Variants in SLC8A2 observed in about 807,000 individuals in gnomAD.
The protein encoded by SLC8A2 is solute carrier family 8 member A2, also known as sodium/calcium exchanger 2.
A neutral mutation model predicts 70.2 loss-of-function variants in SLC8A2; 14 were observed. That is an observed-to-expected ratio of 0.20 (90% CI 0.13 to 0.31). The LOEUF is 0.31. Ranked by LOEUF, SLC8A2 falls within the 10% of genes least tolerant of loss-of-function variation. The pLI is 1.00. For missense variants in SLC8A2, 779 were observed against 1,320.1 expected, an observed-to-expected ratio of 0.59 and a Z score of 6.35; for synonymous variants, 575 against 594.3, an observed-to-expected ratio of 0.97 and a Z score of 0.47.
At chr19:47,431,783 A>C (rs1966966160) in intron 9 of SLC8A2, among the ~76,000 whole-genome samples, 1 of 151,464 alleles carries the variant, frequency 6.6e-6, no homozygotes, top group African/African-American at 2.4e-5. Flanking sequence ...GCGGGATGGG[A>C]CATCAACAGC....
At position 47,441,326 on chromosome 19, in the gene SLC8A2, T is replaced by C; in HGVS notation, c.1867+11A>G. ...CCTTACTTCTCCCACAGCCCACTGGTCACCCCTCACCTGAAATCCCTCGCT... is the reference window on the plus strand; with the variant it reads ...CCTTACTTCTCCCACAGCCCACTGGCCACCCCTCACCTGAAATCCCTCGCT... On this transcript the variant is annotated intron_variant, in intron 5 of 9. Transcript: ENST00000236877. The C allele has an allele frequency of 6.2e-7, 1 of 1,604,608 alleles. No homozygotes were observed. Among genetic ancestry groups the C allele is most frequent in the Non-Finnish European group, 8.5e-7 (1 of 1,171,392 alleles).
Position 47,430,272 on chromosome 19 carries a change from G to A in SLC8A2, c.2583C>T (p.Leu861=), listed in dbSNP as rs1256327029. The change falls in exon 10 of 10, where the codon CTC becomes CTT. Residue 861 remains leucine, a synonymous_variant. Transcript: ENST00000236877. This position sits in a 1 kb window ranked among gnomAD's most constrained non-coding sequence, Gnocchi z 5.9. ...RTGTLAFSVT[L]FTVFAFVGIA... ...TGCCCACGAAGGCGAAGACGGTGAA[G>A]AGCGTGACGGAGAAGGCCAGCGTGC... 6.2e-7 allele frequency: 1 copy of A among 1,612,662 alleles called. No individual in the cohort carries two copies. Among genetic ancestry groups the A allele is most frequent in the Non-Finnish European group, 8.5e-7 (1 of 1,179,346 alleles).
In SLC8A2 at chr19:47,432,192, G is replaced by A; in HGVS notation, c.2364C>T (p.Phe788=). 4 of 1,612,510 alleles carry A rather than the reference G, an allele frequency of 2.5e-6. No individual in the cohort carries two copies. The highest frequency in any genetic ancestry group is 3.4e-6 in the Non-Finnish European group (4 of 1,178,964). ...CAGGGATGGAGGTGCCCAGGGCAAC[G>A]AAGACAACAGCATTGACAGAGTCCT... is the stretch of plus-strand genomic sequence containing the variant. The part of the protein sequence containing the change: ...GLKDSVNAVV[F]VALGTSIPDT... The change falls in exon 9 of 10, where the codon TTC becomes TTT. Residue 788 remains phenylalanine (F), a synonymous_variant. Transcript: ENST00000236877. The surrounding 1 kb of genome is among the most constrained non-coding windows in gnomAD (Gnocchi z 6.2).
rs934474224 is a variant in SLC8A2 at position 47,428,209 on chromosome 19, A to T, written c.*1880T>A. On this transcript the variant is annotated 3_prime_UTR_variant, in exon 10 of 10. Coordinates refer to ENST00000236877, the MANE Select transcript of SLC8A2 (RefSeq NM_015063.3). ...GGAAGGCGTGGCTGAAGCACGACTGATAAGTGGGGGTGTGATTAGTGGAAG... is the reference window on the plus strand; with the variant it reads ...GGAAGGCGTGGCTGAAGCACGACTGTTAAGTGGGGGTGTGATTAGTGGAAG... 5 of 149,568 alleles carry T rather than the reference A, an allele frequency of 3.3e-5. No individual in the cohort carries two copies. Among genetic ancestry groups the T allele is most frequent in the African/African-American group, 1.2e-4 (5 of 40,362 alleles). The allele number at this position is 149,568 out of a possible 1,614,324, so 9.3% of individuals were successfully genotyped here. A position where few individuals can be genotyped will look rare whatever the true frequency, so the allele number is the denominator to read the frequency against.
intron 4 of SLC8A2, among the ~76,000 whole-genome samples, chr19:47,441,874 C>A (rs1207420862): frequency 6.6e-6 from 1 of 152,140 alleles, no homozygotes; most frequent in Non-Finnish European, 1.5e-5. Context: ...GAGGCCGAGG[C>A]GGGCGGATCA....
intron 3 of SLC8A2, among the ~76,000 whole-genome samples, chr19:47,453,183 T>G (rs1967265158): frequency 6.6e-6 from 1 of 152,198 alleles, no homozygotes; most frequent in South Asian, 2.1e-4. Context: ...TTGGAGAAAC[T>G]AAGGCTCACA....
At chr19:47,449,270 A>T (rs1465541078) in intron 3 of SLC8A2, among the ~76,000 whole-genome samples, 1 of 152,142 alleles carries the variant, frequency 6.6e-6, no homozygotes, top group African/African-American at 2.4e-5. Context: ...AGAGACCTGA[A>T]GGAGGGGAGG....
rs1463521278 is a variant in SLC8A2 at position 47,466,409 on chromosome 19, G to T, written c.-6C>A. The stretch of plus-strand genomic sequence containing the variant: ...ACCAAGGCCAGGGGAGCCATGGGGG[G>T]TGGTGGGGTCCTATGGGGGAGGAGG... On this transcript the variant is annotated 5_prime_UTR_variant, in exon 2 of 10. Coordinates refer to ENST00000236877, the MANE Select transcript of SLC8A2 (RefSeq NM_015063.3). The surrounding 1 kb of genome is among the most constrained non-coding windows in gnomAD (Gnocchi z 6.9). The T allele has an allele frequency of 3.8e-6, 5 of 1,329,448 alleles. No homozygotes were observed. Among genetic ancestry groups the T allele is most frequent in the African/African-American group, 1.5e-5 (1 of 67,798 alleles). 82.4% of individuals were successfully genotyped at this position (1,329,448 alleles called of 1,614,324 possible).
intron 4 of SLC8A2, among the ~76,000 whole-genome samples, chr19:47,445,297 C>A (rs995547362): frequency 1.4e-4 from 22 of 152,086 alleles, no homozygotes; most frequent in African/African-American, 5.3e-4. Flanking sequence ...TTAGTAGAGA[C>A]GGGGTTTCAT....
At chr19:47,455,131 A>G (rs1376197792) in intron 3 of SLC8A2, among the ~76,000 whole-genome samples, 18 of 152,026 alleles carry the variant, frequency 1.2e-4, no homozygotes, top group Admixed American at 8.5e-4. Flanking sequence ...GAGGAGAGAG[A>G]GGAGAGAGGG....
At chr19:47,456,712 C>T (rs1044284578) in intron 3 of SLC8A2, among the ~76,000 whole-genome samples, 3 of 152,208 alleles carry the variant, frequency 2.0e-5, no homozygotes, top group African/African-American at 4.8e-5. Context: ...GAGGTGTAGC[C>T]TTCGGATAGC....
At chr19:47,441,517 C>G in intron 4 of SLC8A2, 77 bp from the exon 5 acceptor site, 1 of 797,978 alleles carries the variant, frequency 1.3e-6, no homozygotes, top group East Asian at 2.7e-5. Flanking sequence ...ACCCTCCTGG[C>G]AGCCACCCAG....
At position 47,447,334 on chromosome 19, in the gene SLC8A2, C is replaced by G. The variant is rs1003763949; in HGVS notation, c.1763+475G>C. ...CTCCCTGGGTACTCTTCAGCACACA[C>G]TCCACGAGCTACCAATTAAGGCCCC... On this transcript the variant is annotated intron_variant, in intron 4 of 9. Coordinates refer to ENST00000236877, the MANE Select transcript of SLC8A2 (RefSeq NM_015063.3). The surrounding 1 kb of genome is among the most constrained non-coding windows in gnomAD (Gnocchi z 5.1). 5.2e-6 allele frequency: 1 copy of G among 194,098 alleles called. No individual in the cohort carries two copies. Among genetic ancestry groups the G allele is most frequent in the Non-Finnish European group, 1.1e-5 (1 of 94,792 alleles). 12.0% of individuals were successfully genotyped at this position (194,098 alleles called of 1,614,324 possible).
At chr19:47,459,027 C>G (rs1202944594) in intron 2 of SLC8A2, among the ~76,000 whole-genome samples, 4 of 149,308 alleles carry the variant, frequency 2.7e-5, no homozygotes, top group Non-Finnish European at 5.9e-5. Context: ...TGCTCCCGTT[C>G]CTCTCCATCT....
chr19:47,437,949 G>A lies in SLC8A2; in HGVS notation c.1910C>T (p.Ala637Val). The change falls in exon 7 of 10, where the codon GCC (alanine) becomes GTC (valine). Residue 637 changes from alanine to valine, a missense_variant. Transcript: ENST00000236877. ...NQGDGDRKLT[A>V]EEEEARRIAE... is the part of the protein sequence containing the mutation. ...TATCCTCCGAGCCTCCTCCTCCTCG[G>A]CTGTTAGCTTCCTGTCCCCATCCCC... 6.2e-7 allele frequency: 1 copy of A among 1,614,084 alleles called. No homozygotes were observed. Among genetic ancestry groups the A allele is most frequent in the Non-Finnish European group, 8.5e-7 (1 of 1,179,994 alleles).
At chr19:47,463,473 T>C (rs1035018850) in intron 2 of SLC8A2, among the ~76,000 whole-genome samples, 2 of 147,488 alleles carry the variant, frequency 1.4e-5, no homozygotes, top group African/African-American at 4.9e-5. Context: ...GGCTCACGCC[T>C]GTAATCCCAG....
At chr19:47,464,995 G>A (rs1967439864) in intron 2 of SLC8A2, among the ~76,000 whole-genome samples, 2 of 152,180 alleles carry the variant, frequency 1.3e-5, no homozygotes, top group Admixed American at 6.5e-5. Context: ...TATGCAAAGT[G>A]GTCACAGGGC....
intron 2 of SLC8A2, among the ~76,000 whole-genome samples, chr19:47,464,332 G>C (rs147013274): frequency 3.3e-5 from 5 of 151,938 alleles, no homozygotes; most frequent in African/African-American, 1.2e-4. Context: ...GGCTGGTCTC[G>C]AACTCCTGAC....
chr19:47,453,322 T>A (rs1967266915), intron 3 of SLC8A2, among the ~76,000 whole-genome samples: 1 of 152,204 alleles, frequency 6.6e-6, no homozygotes, highest in East Asian at 1.9e-4. Context: ...GAGAGCTTCC[T>A]CAGATATGGT....
Sources: allele counts gnomAD v4.1 joint callset (sites outside exome capture counted in the v4.1 genomes callset), GRCh38; gene constraint gnomAD v4.1.1; non-coding constraint Gnocchi (gnomAD v3.1); transcripts MANE v1.5; gene names NCBI Gene and HGNC (gene_info 2026-07-23, HGNC 2026-07-21).